Variants in AP2S1 observed in about 807,000 individuals in gnomAD.
AP2S1 encodes AP-2 complex subunit sigma.
Under a neutral mutation model 21.0 loss-of-function variants are expected in AP2S1, and 6 were observed. The ratio of observed to expected loss-of-function variants is 0.29; its 90% CI spans 0.16 to 0.56. The LOEUF (loss-of-function observed/expected upper bound fraction) is 0.56. AP2S1 is among the 20% of genes least tolerant of loss of function. The pLI is 0.92. For synonymous variants in AP2S1, 63 were observed against 74.6 expected, an observed-to-expected ratio of 0.84 and a Z score of 0.80; for missense variants, 60 against 186.2, an observed-to-expected ratio of 0.32 and a Z score of 3.95.
At chr19:46,848,139 CG>C (rs1439819153) in intron 1 of AP2S1, among the ~76,000 whole-genome samples, 12 of 152,038 alleles carry the variant, frequency 7.9e-5, no homozygotes, top group Admixed American at 6.6e-4. Flanking sequence ...GAGGCCAAGG[CG>C]GGCAGATCAC....
At chr19:46,844,610 C>G (rs1257334661) in intron 2 of AP2S1, among the ~76,000 whole-genome samples, 1 of 151,812 alleles carries the variant, frequency 6.6e-6, no homozygotes, top group Non-Finnish European at 1.5e-5. Flanking sequence ...CCAGCCTGGG[C>G]AACATGGTGA....
At chr19:46,849,368 T>A (rs2055694077) in intron 1 of AP2S1, among the ~76,000 whole-genome samples, 1 of 148,782 alleles carries the variant, frequency 6.7e-6, no homozygotes, top group Non-Finnish European at 1.5e-5. Context: ...CCAACCAAAC[T>A]GGACCGGAAC....
intron 2 of AP2S1, among the ~76,000 whole-genome samples, chr19:46,845,455 A>G (rs902226903): frequency 6.6e-6 from 1 of 151,938 alleles, no homozygotes; most frequent in African/African-American, 2.4e-5. Context: ...ATTCAATCAA[A>G]TAAAAAATAA....
Position 46,838,836 on chromosome 19 carries a change from G to A in AP2S1, c.268-37C>T, listed in dbSNP as rs1200976552. The A allele has an allele frequency of 6.3e-7, 1 of 1,593,118 alleles. No homozygotes were observed. The highest frequency in any genetic ancestry group is 8.6e-7 in the Non-Finnish European group (1 of 1,161,744). ...AGGCAGAGATGGTAAGAGATGGGCAGGGAGAGAGCCACACACGCACAGAGA... is the reference window on the plus strand; with the variant it reads ...AGGCAGAGATGGTAAGAGATGGGCAAGGAGAGAGCCACACACGCACAGAGA... On this transcript the variant is annotated intron_variant, in intron 3 of 4. Coordinates refer to ENST00000263270, the MANE Select transcript of AP2S1 (RefSeq NM_004069.6). This position sits in a 1 kb window ranked among gnomAD's most constrained non-coding sequence, Gnocchi z 4.1.
chr19:46,842,441 G>T (rs1481132881), intron 2 of AP2S1, among the ~76,000 whole-genome samples: 1 of 152,120 alleles, frequency 6.6e-6, no homozygotes, highest in Non-Finnish European at 1.5e-5. Context: ...CCTAGCACTG[G>T]GCTGATCACA....
chr19:46,838,306 T>C lies in AP2S1; in HGVS notation c.*141A>G, dbSNP rs1468734150. On this transcript the variant is annotated 3_prime_UTR_variant, in exon 5 of 5. Transcript: ENST00000263270. The surrounding 1 kb of genome is among the most constrained non-coding windows in gnomAD (Gnocchi z 4.1). ...CCAGAGGCAGTGGGGTGCAGTCTCC[T>C]CCCTTGTGGCCCAGACCCAGCTGGG... is the stretch of plus-strand genomic sequence containing the variant. 3.0e-5 allele frequency: 22 copies of C among 728,678 alleles called. No homozygotes were observed. Among genetic ancestry groups the C allele is most frequent in the Non-Finnish European group, 4.4e-5 (19 of 430,552 alleles). The allele number at this position is 728,678 out of a possible 1,614,324, so 45.1% of individuals were successfully genotyped here.
At chr19:46,846,412 G>C (rs1397357069) in intron 1 of AP2S1, among the ~76,000 whole-genome samples, 3 of 151,176 alleles carry the variant, frequency 2.0e-5, no homozygotes, top group Non-Finnish European at 2.9e-5. Context: ...CCGAGTCCCA[G>C]GCTCCTCCAC....
intron 3 of AP2S1, 45 bp downstream of exon 3, chr19:46,839,420 G>T: frequency 1.3e-6 from 2 of 1,585,556 alleles, no homozygotes; most frequent in Non-Finnish European, 1.7e-6. Flanking sequence ...GCCACTCCAG[G>T]GCTGCCCACC....
In AP2S1 at chr19:46,850,450, C is replaced by A. The variant is rs927564950; in HGVS notation, c.3+314G>T. 5 of 775,574 alleles carry A rather than the reference C, an allele frequency of 6.4e-6. No homozygotes were observed. The Admixed American group carries it at 1.2e-4, about 19-fold the overall frequency. 48.0% of individuals were successfully genotyped at this position (775,574 alleles called of 1,614,324 possible). On this transcript the variant is annotated intron_variant, in intron 1 of 4. Transcript: ENST00000263270. ...ACCTCCAATGCCTTCTCGCTACCCA[C>A]AAGACTGTGTCTCACGAGTTTCCTC...
intron 1 of AP2S1, chr19:46,850,156 C>G (rs1303267650): frequency 1.9e-5 from 23 of 1,232,200 alleles, no homozygotes; most frequent in Non-Finnish European, 2.3e-5. Context: ...TCTCCTTTTA[C>G]AGCGCTTTCC....
chr19:46,838,255 CGGT>C lies in AP2S1; in HGVS notation c.*189_*191del. 1 of 603,490 alleles carries C rather than the reference CGGT, an allele frequency of 1.7e-6. No individual in the cohort carries two copies. Among genetic ancestry groups the C allele is most frequent in the Non-Finnish European group, 3.0e-6 (1 of 338,742 alleles). The allele number at this position is 603,490 out of a possible 1,614,324, so 37.4% of individuals were successfully genotyped here. The stretch of plus-strand genomic sequence containing the variant: ...ACGGCACGGTTACTCGGGACACACA[CGGT>C]GGCCTCTGCCCACAGCCAGGGCCCA... On this transcript the variant is annotated 3_prime_UTR_variant, in exon 5 of 5. Transcript: ENST00000263270. The surrounding 1 kb of genome is among the most constrained non-coding windows in gnomAD (Gnocchi z 4.1).
At chr19:46,843,123 G>C (rs565353101) in intron 2 of AP2S1, among the ~76,000 whole-genome samples, 3 of 152,130 alleles carry the variant, frequency 2.0e-5, no homozygotes, top group African/African-American at 7.2e-5. Flanking sequence ...CATCCTACCC[G>C]GGGGCTCAAG....
rs185909738 is a variant in AP2S1 at position 46,844,224 on chromosome 19, G to A, written c.153+1769C>T. ...GGCCGGCAAAAACAACTTTTCTACG[G>A]CTCCCATCTGACTCATAGTAAGAGC... On this transcript the variant is annotated intron_variant, in intron 2 of 4. Coordinates refer to ENST00000263270, the MANE Select transcript of AP2S1 (RefSeq NM_004069.6). Among the ~76,000 whole-genome samples the A allele has an allele frequency of 5.6e-4, 85 of 152,054 alleles. 1 individual carries two copies. Among genetic ancestry groups the A allele is most frequent in the African/African-American group, 1.8e-3 (74 of 41,468 alleles).
At chr19:46,850,096 T>C (rs1467696260) in intron 1 of AP2S1, 3 of 1,219,930 alleles carry the variant, frequency 2.5e-6, no homozygotes, top group African/African-American at 1.6e-5. Flanking sequence ...GAAAGACCTA[T>C]TCAGTTGCTC....
intron 3 of AP2S1, 42 bp downstream of exon 3, chr19:46,839,423 T>TGC: frequency 6.5e-7 from 1 of 1,532,026 alleles, no homozygotes; most frequent in Non-Finnish European, 9.0e-7. Context: ...ACTCCAGGGC[T>TGC]GCCCACCCGC....
intron 2 of AP2S1, among the ~76,000 whole-genome samples, chr19:46,844,868 AAGGCGGGTGGATCACTTGAGATC>A (rs2122785655): frequency 1.3e-5 from 2 of 149,524 alleles, no homozygotes; most frequent in South Asian, 4.3e-4. Flanking sequence ...TTGGGAGGCC[AAGGCGGGTGGATCACTTGAGATC>A]AGGAGGTCAA....
At chr19:46,841,929 T>C (rs947809357) in intron 2 of AP2S1, among the ~76,000 whole-genome samples, 1 of 152,160 alleles carries the variant, frequency 6.6e-6, no homozygotes, top group Admixed American at 6.6e-5. Context: ...CCGGGCCTCA[T>C]GCCTATCATC....
chr19:46,843,717 C>A (rs1043129388), intron 2 of AP2S1, among the ~76,000 whole-genome samples: 1 of 151,352 alleles, frequency 6.6e-6, no homozygotes, highest in Non-Finnish European at 1.5e-5. Context: ...AGTGAGAACC[C>A]ACCTGAAAAG....
At chr19:46,850,176 A>C in intron 1 of AP2S1, 1 of 1,232,246 alleles carries the variant, frequency 8.1e-7, no homozygotes, top group East Asian at 3.2e-5. Context: ...CCAGACCCTT[A>C]AGTTTCATTC....
Sources: gnomAD v4.1 joint callset for allele counts (sites outside exome capture counted in the v4.1 genomes callset) on GRCh38, gnomAD v4.1.1 for gene constraint, Gnocchi (gnomAD v3.1) non-coding constraint, MANE v1.5 for transcripts, NCBI Gene and HGNC (gene_info 2026-07-23, HGNC 2026-07-21) for gene names.